The following VDAC1 variants were observed in gnomAD, a reference collection of about 807,000 sequenced individuals.
VDAC1 encodes the protein voltage dependent anion channel 1.
In VDAC1, 10 loss-of-function variants were observed where a neutral mutation model predicts 34.7. The observed-to-expected ratio is 0.29, with a 90% CI of 0.18 to 0.49. The LOEUF is 0.49. Among genes scored for constraint, VDAC1 ranks in the 20% least tolerant of loss-of-function variants. The pLI, the probability that VDAC1 is intolerant of heterozygous loss-of-function variation, is 0.99. For missense variants in VDAC1, 230 were observed against 347.9 expected, an observed-to-expected ratio of 0.66 and a Z score of 2.69; for synonymous variants, 130 against 136.0, an observed-to-expected ratio of 0.96 and a Z score of 0.30.
intron 1 of VDAC1, among the ~76,000 whole-genome samples, chr5:133,993,842 A>G (rs932283178): frequency 7.9e-5 from 12 of 152,198 alleles, no homozygotes; most frequent in African/African-American, 2.9e-4. Flanking sequence ...TAAGGACCAC[A>G]CTGCATTCCT....
At chr5:134,095,367 C>T in the VDAC1 span, among the ~76,000 whole-genome samples, 1 of 151,932 alleles carries the variant, frequency 6.6e-6, no homozygotes, top group African/African-American at 2.4e-5. Flanking sequence ...CCTATAGTCC[C>T]TGCTACTCAG....
At chr5:134,106,365 C>A in the VDAC1 span, among the ~76,000 whole-genome samples, 1 of 151,394 alleles carries the variant, frequency 6.6e-6, no homozygotes, top group Non-Finnish European at 1.5e-5. Flanking sequence ...AAAACAGTAA[C>A]CATTTAATCC....
the VDAC1 span, among the ~76,000 whole-genome samples, chr5:134,019,195 A>C: frequency 2.6e-5 from 4 of 152,100 alleles, no homozygotes; most frequent in South Asian, 2.1e-4. Flanking sequence ...ACAAAAAAAA[A>C]CCCTACAAGT....
chr5:134,050,110 G>A, the VDAC1 span, among the ~76,000 whole-genome samples: 5 of 152,178 alleles, frequency 3.3e-5, no homozygotes, highest in South Asian at 4.1e-4. Context: ...TTAGCCAGGC[G>A]TGATGGTAGG....
chr5:134,011,368 T>G, the VDAC1 span, among the ~76,000 whole-genome samples: 4 of 152,162 alleles, frequency 2.6e-5, no homozygotes, highest in African/African-American at 9.7e-5. Flanking sequence ...CCTTATAGAT[T>G]CTAGATATTA....
chr5:134,054,797 A>C, the VDAC1 span, among the ~76,000 whole-genome samples: 1 of 152,072 alleles, frequency 6.6e-6, no homozygotes, highest in Non-Finnish European at 1.5e-5. Flanking sequence ...GAAGTGCCTC[A>C]GTTACTGGCC....
At chr5:134,050,521 T>TGA in the VDAC1 span, among the ~76,000 whole-genome samples, 23,534 of 152,036 alleles carry the variant, frequency 0.15, 1,965 homozygotes, top group East Asian at 0.28. Context: ...TGCAAAATAC[T>TGA]GAGTGTGAAA....
At chr5:133,990,684 A>G (rs1753072298) in intron 5 of VDAC1, among the ~76,000 whole-genome samples, 171 bp downstream of exon 5, 1 of 152,184 alleles carries the variant, frequency 6.6e-6, no homozygotes, top group Non-Finnish European at 1.5e-5. Flanking sequence ...GTTAGTGCAT[A>G]GATGTGGATA....
At chr5:134,112,812 C>T in the VDAC1 span, among the ~76,000 whole-genome samples, 1 of 152,076 alleles carries the variant, frequency 6.6e-6, no homozygotes, top group Non-Finnish European at 1.5e-5. Flanking sequence ...CAAAAAGAAC[C>T]TCACTGTTGT....
At chr5:134,032,916 C>T in the VDAC1 span, among the ~76,000 whole-genome samples, 1 of 151,918 alleles carries the variant, frequency 6.6e-6, no homozygotes, top group Non-Finnish European at 1.5e-5. Flanking sequence ...GCCTGTAGTT[C>T]CAGCTACTCA....
chr5:134,042,151 A>G, the VDAC1 span, among the ~76,000 whole-genome samples: 1 of 152,192 alleles, frequency 6.6e-6, no homozygotes, highest in African/African-American at 2.4e-5. Context: ...GGTCGGAAGC[A>G]GGGCTGTCTA....
At chr5:134,074,845 G>A in the VDAC1 span, among the ~76,000 whole-genome samples, 1 of 152,110 alleles carries the variant, frequency 6.6e-6, no homozygotes, top group Admixed American at 6.6e-5. Flanking sequence ...GTCCTCACAT[G>A]TGCCATGAAG....
At chr5:133,991,993 T>C (rs1372953047) in intron 3 of VDAC1, among the ~76,000 whole-genome samples, 2 of 152,132 alleles carry the variant, frequency 1.3e-5, no homozygotes, top group African/African-American at 4.8e-5. Flanking sequence ...TTCCAGCACT[T>C]TGGGAGGCCA....
the VDAC1 span, among the ~76,000 whole-genome samples, chr5:134,100,677 C>T: frequency 6.6e-6 from 1 of 152,244 alleles, no homozygotes; most frequent in Non-Finnish European, 1.5e-5. Flanking sequence ...GCCGAGACTC[C>T]GTCGGGGAAT....
chr5:133,984,419 C>CGTGT (rs70976506), intron 5 of VDAC1, among the ~76,000 whole-genome samples: 1,516 of 121,978 alleles, frequency 0.012, 17 homozygotes, highest in African/African-American at 0.016. Context: ...CAATGACCAG[C>CGTGT]GTGTGTGTGT....
chr5:134,034,164 A>T, the VDAC1 span, among the ~76,000 whole-genome samples: 1 of 137,748 alleles, frequency 7.3e-6, no homozygotes, highest in Admixed American at 7.7e-5. Flanking sequence ...GGATCTCCTG[A>T]GGGCTGTGTC....
chr5:134,106,917 T>G, the VDAC1 span, among the ~76,000 whole-genome samples: 1 of 152,170 alleles, frequency 6.6e-6, no homozygotes, highest in African/African-American at 2.4e-5. Flanking sequence ...CTGTGAGGGG[T>G]GGCTGGCTTA....
intron 1 of VDAC1, among the ~76,000 whole-genome samples, chr5:134,002,802 TA>T (rs1428000548): frequency 6.6e-6 from 1 of 151,986 alleles, no homozygotes; most frequent in African/African-American, 2.4e-5. Context: ...CCGACTCTAC[TA>T]AAAATACAAA....
chr5:134,109,770 C>CAAAAAAAAAAAAAA, the VDAC1 span, among the ~76,000 whole-genome samples: 10 of 140,308 alleles, frequency 7.1e-5, no homozygotes, highest in African/African-American at 2.8e-4. Context: ...GGCTCCATCT[C>CAAAAAAAAAAAAAA]AAAAAAAAAA....
Sources: gnomAD v4.1 joint callset for allele counts (sites outside exome capture counted in the v4.1 genomes callset) on GRCh38, gnomAD v4.1.1 for gene constraint, MANE v1.5 for transcripts, NCBI Gene and HGNC (gene_info 2026-07-23, HGNC 2026-07-21) for gene names.